Variants in CNTNAP2 observed in about 807,000 individuals in gnomAD.
CNTNAP2 encodes contactin-associated protein-like 2.
Under a neutral mutation model 155.2 loss-of-function variants are expected in CNTNAP2, and 98 were observed. That is an observed-to-expected ratio of 0.63 (90% confidence interval 0.54 to 0.75). The LOEUF is 0.75. CNTNAP2 is among the 30% of genes least tolerant of loss of function. The pLI is 0.00. For synonymous variants in CNTNAP2, 651 were observed against 631.2 expected (o/e 1.03, Z -0.47); for missense variants, 1,727 against 1,688.1 (o/e 1.02, Z -0.40).
At chr7:146,515,687 C>G (rs773004717) in intron 1 of CNTNAP2, among the ~76,000 whole-genome samples, 19 of 151,862 alleles carry the variant, frequency 1.3e-4, no homozygotes, top group Non-Finnish European at 2.2e-4. Context: ...TATTGGATGC[C>G]CAATAACTAA....
chr7:146,717,997 C>T lies in CNTNAP2; in HGVS notation c.98-56274C>T, dbSNP rs1390651558. On this transcript the variant is annotated intron_variant, in intron 1 of 23. Coordinates refer to ENST00000361727, the MANE Select transcript of CNTNAP2 (RefSeq NM_014141.6). ...AAATTATTGTCAGATGCTTCTTTTA[C>T]ACCTTTAATAACATTATGATGGTAT... is the stretch of plus-strand genomic sequence containing the variant. Among the ~76,000 whole-genome samples, 2 of 152,108 alleles carry T rather than the reference C, an allele frequency of 1.3e-5. 1 individual carries two copies. The highest frequency in any genetic ancestry group is 3.9e-4 in the East Asian group (2 of 5,160).
At chr7:147,118,645 A>G (rs1020769324) in intron 5 of CNTNAP2, among the ~76,000 whole-genome samples, 6 of 152,198 alleles carry the variant, frequency 3.9e-5, no homozygotes, top group Non-Finnish European at 5.9e-5. Context: ...CCTAGGCTAT[A>G]TGGTAGAGCT....
chr7:147,802,548 C>G (rs558295700), intron 13 of CNTNAP2, among the ~76,000 whole-genome samples: 1 of 152,172 alleles, frequency 6.6e-6, no homozygotes, highest in South Asian at 2.1e-4. Context: ...CCGAGGCTGG[C>G]GGATCACTCG....
chr7:147,888,780 T>A (rs1799639557), intron 13 of CNTNAP2, among the ~76,000 whole-genome samples: 1 of 148,184 alleles, frequency 6.7e-6, no homozygotes, highest in African/African-American at 2.5e-5. Flanking sequence ...AAAACACATA[T>A]ATAAAGTCTA....
chr7:146,508,135 C>T (rs1317313549), intron 1 of CNTNAP2, among the ~76,000 whole-genome samples: 3 of 152,192 alleles, frequency 2.0e-5, no homozygotes, highest in African/African-American at 7.2e-5. Flanking sequence ...TTTGTGCATT[C>T]CATGCACTAT....
chr7:147,527,817 A>G (rs945263644), intron 11 of CNTNAP2, among the ~76,000 whole-genome samples: 1 of 152,166 alleles, frequency 6.6e-6, no homozygotes, highest in African/African-American at 2.4e-5. Context: ...TGAGATTAAG[A>G]CCCAGGCTGG....
intron 1 of CNTNAP2, among the ~76,000 whole-genome samples, chr7:146,458,830 G>T (rs995752362): frequency 1.3e-5 from 2 of 152,116 alleles, no homozygotes; most frequent in Non-Finnish European, 2.9e-5. Context: ...GAGCAAGAAA[G>T]AATTCTCCTT....
chr7:147,200,730 C>T lies in CNTNAP2; in HGVS notation c.1348+68221C>T, dbSNP rs1802905634. 5.3e-5 allele frequency among the ~76,000 whole-genome samples: 8 copies of T among 152,322 alleles called. No individual in the cohort carries two copies. In the South Asian group the frequency reaches 1.7e-3, roughly 32 times the overall value. ...AGACTCATGGAGAAGTCTCTCCCAA[C>T]ATGCATATGTTCTGTGTATGCAGGA... On this transcript the variant is annotated intron_variant, in intron 8 of 23. Coordinates refer to ENST00000361727, the MANE Select transcript of CNTNAP2 (RefSeq NM_014141.6).
At chr7:146,308,977 A>G (rs1800771428) in intron 1 of CNTNAP2, among the ~76,000 whole-genome samples, 1 of 152,092 alleles carries the variant, frequency 6.6e-6, no homozygotes, top group Admixed American at 6.6e-5. Flanking sequence ...AAATTATAAT[A>G]ATAATAATAA....
Position 146,565,620 on chromosome 7 carries a change from A to G in CNTNAP2, c.98-208651A>G, listed in dbSNP as rs116517299. Reference sequence around the variant, plus strand: ...AGTGAATAAGACTGATTAGATGCAGAAAACCACTTGTGTTCTACAGGTAAA... The same window carrying G: ...AGTGAATAAGACTGATTAGATGCAGGAAACCACTTGTGTTCTACAGGTAAA... On this transcript the variant is annotated intron_variant, in intron 1 of 23. Transcript: ENST00000361727. 5.6e-3 allele frequency among the ~76,000 whole-genome samples: 846 copies of G among 152,362 alleles called. 3 individuals are homozygous for G. The highest frequency in any genetic ancestry group is 0.018 in the African/African-American group (765 of 41,590).
chr7:146,507,566 C>A (rs1052971898), intron 1 of CNTNAP2, among the ~76,000 whole-genome samples: 2 of 152,112 alleles, frequency 1.3e-5, no homozygotes, highest in Admixed American at 1.3e-4. Flanking sequence ...TCTCTAGTTG[C>A]CTCATTATTG....
chr7:146,381,765 C>G (rs904551436), intron 1 of CNTNAP2, among the ~76,000 whole-genome samples: 1 of 152,078 alleles, frequency 6.6e-6, no homozygotes, highest in African/African-American at 2.4e-5. Context: ...GAAGAAATCT[C>G]AGGGACAGAA....
intron 1 of CNTNAP2, among the ~76,000 whole-genome samples, chr7:146,408,156 C>A (rs1362142452): frequency 6.6e-6 from 1 of 152,126 alleles, no homozygotes; most frequent in East Asian, 1.9e-4. Flanking sequence ...AAAAAAGTCA[C>A]ACAAATCTTC....
chr7:147,409,640 C>G (rs1358452123), intron 10 of CNTNAP2, among the ~76,000 whole-genome samples: 2 of 152,044 alleles, frequency 1.3e-5, no homozygotes, highest in African/African-American at 4.8e-5. Context: ...AAAATTTTTG[C>G]AAACTATGCA....
intron 10 of CNTNAP2, among the ~76,000 whole-genome samples, chr7:147,450,267 G>C (rs1797808646): frequency 6.6e-6 from 1 of 152,228 alleles, no homozygotes; most frequent in Non-Finnish European, 1.5e-5. Context: ...ATATCCATGT[G>C]AGATGCAATA....
Position 147,120,973 on chromosome 7 carries a change from A to G in CNTNAP2, c.755-6A>G. 1 of 1,613,240 alleles carries G rather than the reference A, an allele frequency of 6.2e-7. No individual in the cohort carries two copies. Among genetic ancestry groups the G allele is most frequent in the Non-Finnish European group, 8.5e-7 (1 of 1,179,836 alleles). On this transcript the variant is annotated splice_polypyrimidine_tract_variant and splice_region_variant and intron_variant, in intron 5 of 23. Coordinates refer to ENST00000361727, the MANE Select transcript of CNTNAP2 (RefSeq NM_014141.6). ...CATTGTTTCTTTTTCACTTCTGTGT[A>G]CGCAGGAAGCAACCAGCTTGGCCCC...
rs76814964 is a variant in CNTNAP2, at chr7:146,498,695, A to G, written c.98-275576A>G. Among the ~76,000 whole-genome samples, 143 of 148,514 alleles carry G rather than the reference A, an allele frequency of 9.6e-4. 1 individual carries two copies. Among genetic ancestry groups the G allele is most frequent in the African/African-American group, 3.6e-3 (142 of 39,730 alleles). Reference sequence around the variant, plus strand: ...GAAGAAAGTTGCAAAAAAAAAAAAAATCCTGTCGGTTCAGAGTTCATTTAG... The same window carrying G: ...GAAGAAAGTTGCAAAAAAAAAAAAAGTCCTGTCGGTTCAGAGTTCATTTAG... On this transcript the variant is annotated intron_variant, in intron 1 of 23. Transcript: ENST00000361727.
At chr7:148,266,955 T>G in intron 20 of CNTNAP2, 78 bp from the exon 21 acceptor site, 2 of 1,305,106 alleles carry the variant, frequency 1.5e-6, no homozygotes, top group Non-Finnish European at 2.2e-6. Flanking sequence ...AAGAGTGATG[T>G]CATCCCCACA....
intron 14 of CNTNAP2, among the ~76,000 whole-genome samples, chr7:147,963,757 A>G (rs575470410): frequency 5.3e-5 from 8 of 152,244 alleles, no homozygotes; most frequent in South Asian, 2.1e-4. Flanking sequence ...TTCTCGAGCT[A>G]TAACTTTCAT....
Sources: allele counts gnomAD v4.1 joint callset (sites outside exome capture counted in the v4.1 genomes callset), GRCh38; gene constraint gnomAD v4.1.1; transcripts MANE v1.5; gene names NCBI Gene and HGNC (gene_info 2026-07-23, HGNC 2026-07-21).